MTDH: variants seen among roughly 807,000 people sequenced by gnomAD.
The protein encoded by MTDH is protein LYRIC.
MTDH carries 34 observed loss-of-function variants against 72.7 expected under a neutral mutation model. The ratio of observed to expected loss-of-function variants is 0.47; its 90% CI spans 0.36 to 0.62. The LOEUF (loss-of-function observed/expected upper bound fraction) is 0.62. MTDH is among the 20% of genes least tolerant of loss of function. The pLI is 0.00. For missense variants in MTDH, 677 were observed against 699.4 expected, an observed-to-expected ratio of 0.97 and a Z score of 0.36; for synonymous variants, 266 against 268.9, an observed-to-expected ratio of 0.99 and a Z score of 0.10.
chr8:97,701,407 GAAT>G (rs1814119935), intron 7 of MTDH, among the ~76,000 whole-genome samples: 1 of 151,932 alleles, frequency 6.6e-6, no homozygotes, highest in Admixed American at 6.6e-5. Flanking sequence ...ATTGTTTAGG[GAAT>G]AATGACAAGA....
chr8:97,648,462 A>T (rs1009673474), intron 1 of MTDH, among the ~76,000 whole-genome samples: 13 of 151,958 alleles, frequency 8.6e-5, no homozygotes, highest in Non-Finnish European at 1.9e-4. Context: ...AACTGGAAGC[A>T]CATAATCAGG....
Position 97,670,052 on chromosome 8 carries a change from C to T in MTDH, c.483+8879C>T, listed in dbSNP as rs1004458324. Reference sequence around the variant, plus strand: ...GTACGTGCCTGGGCGCCGTGGCTCACGCCTGTAGTCCCATCACTTTAGGAG... The same window carrying T: ...GTACGTGCCTGGGCGCCGTGGCTCATGCCTGTAGTCCCATCACTTTAGGAG... On this transcript the variant is annotated intron_variant, in intron 2 of 11. Coordinates refer to ENST00000336273, the MANE Select transcript of MTDH (RefSeq NM_178812.4). Among the ~76,000 whole-genome samples the T allele has an allele frequency of 6.0e-5, 9 of 151,052 alleles. No individual in the cohort carries two copies. The East Asian group carries it at 1.4e-3, about 23-fold the overall frequency.
Position 97,691,138 on chromosome 8 carries a change from G to A in MTDH, c.998G>A (p.Gly333Glu). The A allele has an allele frequency of 1.9e-6, 3 of 1,613,932 alleles. No individual in the cohort carries two copies. The highest frequency in any genetic ancestry group is 1.1e-5 in the South Asian group (1 of 91,052). The change falls in exon 6 of 12, where the codon GGA becomes GAA. Residue 333 changes from glycine to glutamate, a missense_variant. Around this residue, in one of 3 missense-constraint regions of MTDH, gnomAD observed 467 missense variants for 469.1 expected, o/e 1.00. Transcript: ENST00000336273. ...GACACTGGAGATGCTAATACAAATG[G>A]AAAAGACTGGGGAAGGAGTTGGAGT... ...SQDTGDANTN[G>E]KDWGRSWSDR...
intron 9 of MTDH, among the ~76,000 whole-genome samples, chr8:97,715,368 A>G (rs1274531475): frequency 6.6e-6 from 1 of 151,814 alleles, no homozygotes; most frequent in African/African-American, 2.4e-5. Context: ...GCCTCGAGTG[A>G]TCTTCCTGCC....
At chr8:97,646,749 G>T (rs887917556) in intron 1 of MTDH, among the ~76,000 whole-genome samples, 2 of 152,226 alleles carry the variant, frequency 1.3e-5, no homozygotes, top group African/African-American at 4.8e-5. Context: ...GAAGTGGGGA[G>T]TAAATAAGTA....
At chr8:97,685,458 T>C (rs1231019656) in intron 2 of MTDH, among the ~76,000 whole-genome samples, 1 of 152,196 alleles carries the variant, frequency 6.6e-6, no homozygotes, top group African/African-American at 2.4e-5. Context: ...AGCAGTTTTC[T>C]GTCATTGCTT....
At chr8:97,692,869 A>T (rs1235430931) in intron 6 of MTDH, among the ~76,000 whole-genome samples, 5 of 151,800 alleles carry the variant, frequency 3.3e-5, no homozygotes, top group African/African-American at 1.2e-4. Flanking sequence ...AGTTGGGATT[A>T]CAGGCGCACA....
At chr8:97,688,686 G>A (rs567432149) in intron 4 of MTDH, among the ~76,000 whole-genome samples, 2 of 152,326 alleles carry the variant, frequency 1.3e-5, no homozygotes, top group East Asian at 3.9e-4. Context: ...GGCAGCGGGT[G>A]TTGTTGAGAG....
chr8:97,691,746 A>G (rs1398392475), intron 6 of MTDH, among the ~76,000 whole-genome samples: 1 of 152,052 alleles, frequency 6.6e-6, no homozygotes, highest in Admixed American at 6.6e-5. Context: ...AATCCACATT[A>G]CATGTGGGCA....
chr8:97,663,734 G>A lies in MTDH; in HGVS notation c.483+2561G>A, dbSNP rs184043088. 4.4e-4 allele frequency among the ~76,000 whole-genome samples: 53 copies of A among 119,552 alleles called. 1 individual carries two copies. Among genetic ancestry groups the A allele is most frequent in the African/African-American group, 1.8e-3 (52 of 28,888 alleles). The allele number at this position is 119,552 out of a possible 152,430, so 78.4% of individuals were successfully genotyped here. A position where few individuals can be genotyped will look rare whatever the true frequency, so the allele number is the denominator to read the frequency against. ...ACTGCACTCCAGCCTGGGCGACAGA[G>A]CAAGACTCTGTCTCAAAAAAAAAAA... On this transcript the variant is annotated intron_variant, in intron 2 of 11. Coordinates refer to ENST00000336273, the MANE Select transcript of MTDH (RefSeq NM_178812.4).
chr8:97,687,682 C>A, intron 4 of MTDH, 77 bp downstream of exon 4: 2 of 1,232,214 alleles, frequency 1.6e-6, no homozygotes, highest in South Asian at 1.6e-5. Context: ...ATCATTATGT[C>A]AAAATCTGAC....
At chr8:97,669,607 T>C (rs1221780454) in intron 2 of MTDH, among the ~76,000 whole-genome samples, 1 of 152,030 alleles carries the variant, frequency 6.6e-6, no homozygotes. Flanking sequence ...CCCAGAATTA[T>C]GTGAAGAAGC....
At chr8:97,671,116 C>G (rs992117067) in intron 2 of MTDH, among the ~76,000 whole-genome samples, 1 of 152,034 alleles carries the variant, frequency 6.6e-6, no homozygotes, top group African/African-American at 2.4e-5. Flanking sequence ...CAGGCGCCCA[C>G]CACCGCGCCC....
chr8:97,673,139 CAA>C (rs1812697495), intron 2 of MTDH, among the ~76,000 whole-genome samples: 1 of 152,254 alleles, frequency 6.6e-6, no homozygotes, highest in East Asian at 1.9e-4. Flanking sequence ...GTTGATAAAA[CAA>C]GAGCCCCTAC....
At chr8:97,651,063 C>T (rs1440421762) in intron 1 of MTDH, among the ~76,000 whole-genome samples, 4 of 152,198 alleles carry the variant, frequency 2.6e-5, no homozygotes, top group Admixed American at 1.3e-4. Context: ...TGGAACAGAT[C>T]AGCATAGTTG....
At chr8:97,660,010 T>C (rs1180675186) in intron 1 of MTDH, among the ~76,000 whole-genome samples, 1 of 152,024 alleles carries the variant, frequency 6.6e-6, no homozygotes, top group African/African-American at 2.4e-5. Flanking sequence ...AATACAAAAA[T>C]TAGCCGGGCG....
intron 1 of MTDH, among the ~76,000 whole-genome samples, chr8:97,657,708 A>G (rs78336506): frequency 0.04 from 6,093 of 151,948 alleles, 291 homozygotes; most frequent in African/African-American, 0.11. Flanking sequence ...GGGTCTGTCT[A>G]TGTTACTTGG....
At chr8:97,700,217 G>A (rs534764900) in intron 7 of MTDH, among the ~76,000 whole-genome samples, 4 of 152,004 alleles carry the variant, frequency 2.6e-5, no homozygotes, top group Non-Finnish European at 5.9e-5. Context: ...TTTTGTGCCG[G>A]TAGAAAACTA....
intron 2 of MTDH, among the ~76,000 whole-genome samples, chr8:97,682,284 T>A (rs1376234023): frequency 0.01 from 176 of 16,994 alleles, 1 homozygote; most frequent in African/African-American, 0.038. Context: ...ATATATATTT[T>A]TTTTTTTTTT....
Sources: allele counts gnomAD v4.1 joint callset (sites outside exome capture counted in the v4.1 genomes callset), GRCh38; gene constraint gnomAD v4.1.1; regional missense constraint gnomAD v4.1.1; transcripts MANE v1.5; gene names NCBI Gene and HGNC (gene_info 2026-07-23, HGNC 2026-07-21).